Variants in PRKG1 observed in about 807,000 individuals in gnomAD.
The protein encoded by PRKG1 is cGMP-dependent protein kinase 1.
PRKG1 carries 35 observed loss-of-function variants against 88.1 expected under a neutral mutation model. The ratio of observed to expected loss-of-function variants is 0.40; its 90% CI spans 0.30 to 0.53. The LOEUF (loss-of-function observed/expected upper bound fraction) is 0.53, where lower values mean the gene tolerates loss of function less well. Among genes scored for constraint, PRKG1 ranks in the 20% least tolerant of loss-of-function variants. PRKG1 has a pLI of 0.59. For synonymous variants in PRKG1, 303 were observed against 292.5 expected (o/e 1.04, Z -0.37); for missense variants, 540 against 839.8 (o/e 0.64, Z 4.41).
At chr10:51,934,218 A>G (rs1407096649) in intron 5 of PRKG1, among the ~76,000 whole-genome samples, 1 of 151,192 alleles carries the variant, frequency 6.6e-6, no homozygotes, top group Non-Finnish European at 1.5e-5. Context: ...GAAAAAATCC[A>G]CAAGTGTAGG....
chr10:51,391,433 A>G (rs1227598067), intron 2 of PRKG1, among the ~76,000 whole-genome samples: 1 of 152,168 alleles, frequency 6.6e-6, no homozygotes, highest in Non-Finnish European at 1.5e-5. Context: ...TCTATGTTTA[A>G]GTTCCTGCTT....
intron 3 of PRKG1, among the ~76,000 whole-genome samples, chr10:51,633,766 T>C (rs1406554057): frequency 2.6e-5 from 4 of 152,148 alleles, no homozygotes; most frequent in Non-Finnish European, 5.9e-5. Context: ...TCCAGATTTT[T>C]AACATGAAAT....
rs924964916 is a variant in PRKG1 at position 51,691,189 on chromosome 10, CA to C, written c.593-113386del. Among the ~76,000 whole-genome samples, 452 of 145,232 alleles carry C rather than the reference CA, an allele frequency of 3.1e-3. 4 individuals are homozygous for C. Among genetic ancestry groups the C allele is most frequent in the Middle Eastern group, 0.018 (5 of 280 alleles). ...GCTCAGTATAGCTCATCAAAATCCA[CA>C]AAAAAAAAATGCATCAAGATTTTTG... On this transcript the variant is annotated intron_variant, in intron 3 of 17. Coordinates refer to ENST00000373980, the MANE Select transcript of PRKG1 (RefSeq NM_006258.4).
intron 2 of PRKG1, among the ~76,000 whole-genome samples, chr10:51,329,660 TCTC>T (rs1434130259): frequency 6.6e-6 from 1 of 152,214 alleles, no homozygotes; most frequent in Non-Finnish European, 1.5e-5. Context: ...TGTCTTTAAT[TCTC>T]CTTCATTTCT....
At chr10:51,669,912 T>C (rs1223380158) in intron 3 of PRKG1, among the ~76,000 whole-genome samples, 1 of 152,224 alleles carries the variant, frequency 6.6e-6, no homozygotes, top group Non-Finnish European at 1.5e-5. Context: ...GCTAAGTTTT[T>C]ATATCTTATA....
At chr10:51,007,811 A>G (rs1842956287) in intron 1 of PRKG1, among the ~76,000 whole-genome samples, 1 of 152,252 alleles carries the variant, frequency 6.6e-6, no homozygotes, top group Non-Finnish European at 1.5e-5. Flanking sequence ...TAGTTGAGAT[A>G]TAATGGGAAA....
chr10:52,279,610 C>T (rs1841954251), intron 12 of PRKG1, among the ~76,000 whole-genome samples: 1 of 152,008 alleles, frequency 6.6e-6, no homozygotes, highest in African/African-American at 2.4e-5. Flanking sequence ...AAAAATGTAA[C>T]CATATTCCAC....
intron 9 of PRKG1, among the ~76,000 whole-genome samples, chr10:52,187,322 T>A (rs1279447578): frequency 6.6e-6 from 1 of 152,128 alleles, no homozygotes; most frequent in African/African-American, 2.4e-5. Context: ...ATACAATGAA[T>A]TTTCTTTATT....
chr10:51,598,914 A>T (rs1838527414), intron 3 of PRKG1, among the ~76,000 whole-genome samples: 1 of 152,168 alleles, frequency 6.6e-6, no homozygotes, highest in Non-Finnish European at 1.5e-5. Context: ...TTGCATGTGT[A>T]GGGGAGCATG....
At chr10:51,920,164 A>G (rs1842432599) in intron 5 of PRKG1, among the ~76,000 whole-genome samples, 1 of 152,160 alleles carries the variant, frequency 6.6e-6, no homozygotes, top group Non-Finnish European at 1.5e-5. Context: ...GGTGGAAAAC[A>G]AAGAAGGTGT....
intron 7 of PRKG1, among the ~76,000 whole-genome samples, chr10:52,075,355 A>G (rs1846602685): frequency 6.6e-6 from 1 of 152,230 alleles, no homozygotes. Context: ...CCCAATCAAA[A>G]TGTTACTAAG....
chr10:51,702,078 A>ACAT (rs984568452), intron 3 of PRKG1, among the ~76,000 whole-genome samples: 88 of 152,326 alleles, frequency 5.8e-4, no homozygotes, highest in African/African-American at 2.1e-3. Context: ...GGTTTTTAAA[A>ACAT]CATTATGAAT....
chr10:51,013,047 T>A (rs1359201280), intron 1 of PRKG1, among the ~76,000 whole-genome samples: 1 of 152,216 alleles, frequency 6.6e-6, no homozygotes, highest in Non-Finnish European at 1.5e-5. Flanking sequence ...ACAGGAACGG[T>A]GGCACGCAGT....
intron 1 of PRKG1, among the ~76,000 whole-genome samples, chr10:51,079,153 A>G (rs1000378747): frequency 2.6e-5 from 4 of 152,198 alleles, no homozygotes; most frequent in African/African-American, 9.6e-5. Flanking sequence ...CAATACTTCT[A>G]TGGGATTGCC....
intron 4 of PRKG1, among the ~76,000 whole-genome samples, chr10:51,873,627 A>G (rs1841215117): frequency 6.7e-6 from 1 of 149,082 alleles, no homozygotes; most frequent in African/African-American, 2.5e-5. Flanking sequence ...TCCCGGGTTT[A>G]AGCAATTCTC....
intron 9 of PRKG1, among the ~76,000 whole-genome samples, chr10:52,207,835 A>C (rs944366081): frequency 1.3e-5 from 2 of 152,046 alleles, no homozygotes; most frequent in African/African-American, 4.8e-5. Context: ...CCTTCAGCCC[A>C]GTGTCTGCAT....
At chr10:52,181,530 C>A (rs111239703) in intron 9 of PRKG1, among the ~76,000 whole-genome samples, 4 of 121,094 alleles carry the variant, frequency 3.3e-5, no homozygotes, top group Non-Finnish European at 6.9e-5. Context: ...TGCACTGCAC[C>A]CACTAATGTG....
chr10:52,056,444 T>G (rs189427518), intron 6 of PRKG1, among the ~76,000 whole-genome samples: 1 of 152,364 alleles, frequency 6.6e-6, no homozygotes, highest in Admixed American at 6.5e-5. Context: ...CAAATTTTAC[T>G]GCCTAAAAGT....
Position 51,336,276 on chromosome 10 carries a change from C to A in PRKG1, c.479-131447C>A, listed in dbSNP as rs184958154. On this transcript the variant is annotated intron_variant, in intron 2 of 17. Coordinates refer to ENST00000373980, the MANE Select transcript of PRKG1 (RefSeq NM_006258.4). Reference sequence around the variant, plus strand: ...GCTGACGCAGGAGAATCACTTGACCCTGGGAGGCAGAGTTTGCAGTGAGTC... The same window carrying A: ...GCTGACGCAGGAGAATCACTTGACCATGGGAGGCAGAGTTTGCAGTGAGTC... 2.8e-3 allele frequency among the ~76,000 whole-genome samples: 431 copies of A among 152,210 alleles called. 3 individuals carry two copies. Among genetic ancestry groups the A allele is most frequent in the Middle Eastern group, 6.8e-3 (2 of 294 alleles).
Sources: gnomAD v4.1 joint callset for allele counts (sites outside exome capture counted in the v4.1 genomes callset) on GRCh38, gnomAD v4.1.1 for gene constraint, MANE v1.5 for transcripts, NCBI Gene and HGNC (gene_info 2026-07-23, HGNC 2026-07-21) for gene names.